RAB35: variants seen among roughly 807,000 people sequenced by gnomAD.
The protein encoded by RAB35 is ras-related protein Rab-35.
Under a neutral mutation model 28.9 loss-of-function variants are expected in RAB35, and 4 were observed. The ratio of observed to expected loss-of-function variants is 0.14; its 90% CI spans 0.07 to 0.32. The LOEUF (loss-of-function observed/expected upper bound fraction) is 0.32, where lower values mean the gene tolerates loss of function less well. Ranked by LOEUF, RAB35 falls within the 10% of genes least tolerant of loss-of-function variation. RAB35 has a pLI of 1.00. For missense variants in RAB35, 128 were observed against 274.0 expected (o/e 0.47, Z 3.76); for synonymous variants, 99 against 105.1 (o/e 0.94, Z 0.35).
intron 1 of RAB35, among the ~76,000 whole-genome samples, chr12:120,110,775 C>T (rs1336456541): frequency 6.6e-6 from 1 of 152,246 alleles, no homozygotes; most frequent in Non-Finnish European, 1.5e-5. Flanking sequence ...CTGGGTCCTA[C>T]TTTCCTAAAG....
intron 3 of RAB35, among the ~76,000 whole-genome samples, chr12:120,102,197 T>C (rs1431348426): frequency 6.6e-6 from 1 of 152,112 alleles, no homozygotes; most frequent in African/African-American, 2.4e-5. Context: ...TTCCTGTCCA[T>C]AAAATGGAGA....
At position 120,096,546 on chromosome 12, in the gene RAB35, C is replaced by T. The variant is rs1432330842; in HGVS notation, c.*699G>A. On this transcript the variant is annotated 3_prime_UTR_variant, in exon 6 of 6. Coordinates refer to ENST00000229340, the MANE Select transcript of RAB35 (RefSeq NM_006861.7). ...CTGCCCTGGGTTTGGAGCTCAGAGG[C>T]ATCTAGAAGGCAGGACAAGAAATCT... 3.9e-6 allele frequency: 5 copies of T among 1,289,786 alleles called. No individual in the cohort carries two copies. The highest frequency in any genetic ancestry group is 4.0e-6 in the Non-Finnish European group (4 of 988,886). The allele number at this position is 1,289,786 out of a possible 1,614,324, so 79.9% of individuals were successfully genotyped here. A position where few individuals can be genotyped will look rare whatever the true frequency, so the allele number is the denominator to read the frequency against.
chr12:120,116,134 C>T (rs2139066401), intron 1 of RAB35, among the ~76,000 whole-genome samples: 1 of 152,342 alleles, frequency 6.6e-6, no homozygotes, highest in Middle Eastern at 3.4e-3. Flanking sequence ...TGAACATTTA[C>T]TTCGAGCTTA....
At position 120,100,883 on chromosome 12, in the gene RAB35, G is replaced by A. The variant is rs1278664939; in HGVS notation, c.228-1729C>T. ...ACGCCTTCCAGAGCGAGGGCGCGCC[G>A]GAGCCACAGGAACAGGCGACTGTCC... On this transcript the variant is annotated intron_variant, in intron 3 of 5. Coordinates refer to ENST00000229340, the MANE Select transcript of RAB35 (RefSeq NM_006861.7). Among the ~76,000 whole-genome samples, 20 of 152,310 alleles carry A rather than the reference G, an allele frequency of 1.3e-4. No homozygotes were observed. In the East Asian group the frequency reaches 3.3e-3, roughly 25 times the overall value.
Position 120,104,370 on chromosome 12 carries a change from C to T in RAB35, c.104-421G>A, listed in dbSNP as rs552919578. 1.1e-4 allele frequency among the ~76,000 whole-genome samples: 16 copies of T among 152,242 alleles called. No homozygotes were observed. The South Asian group carries it at 2.3e-3, about 22-fold the overall frequency. The stretch of plus-strand genomic sequence containing the variant: ...AGGGCCCTCAAAATTCACTTCCAAA[C>T]ACACAAATAGGTCATGAGCTGCAGT... On this transcript the variant is annotated intron_variant, in intron 2 of 5. Transcript: ENST00000229340.
chr12:120,097,187 G>C lies in RAB35; in HGVS notation c.*58C>G. The C allele has an allele frequency of 1.2e-6, 2 of 1,613,832 alleles. No homozygotes were observed. The highest frequency in any genetic ancestry group is 8.5e-7 in the Non-Finnish European group (1 of 1,179,856). ...TGAGACTGTCCCCCGAGGAACCTCC[G>C]TGGGCCTCGGGCTGGGGGAGGGACC... On this transcript the variant is annotated 3_prime_UTR_variant, in exon 6 of 6. Transcript: ENST00000229340.
Position 120,097,343 on chromosome 12 carries a change from G to C in RAB35, c.508C>G (p.Arg170Gly). 1 of 1,613,282 alleles carries C rather than the reference G, an allele frequency of 6.2e-7. No homozygotes were observed. Among genetic ancestry groups the C allele is most frequent in the South Asian group, 1.1e-5 (1 of 91,022 alleles). Residue 170 changes from arginine (R) to glycine (G), a missense_variant, in exon 6 of 6, where the codon CGA (arginine) becomes GGA (glycine). Coordinates refer to ENST00000229340, the MANE Select transcript of RAB35 (RefSeq NM_006861.7). ...MFNCITELVL[R>G]AKKDNLAKQQ... ...TTTGCCAGGTTGTCTTTCTTTGCTC[G>C]GAGGACCAGCTCCGTGATGCAGTTG...
Position 120,103,643 on chromosome 12 carries a change from C to G in RAB35, c.227+183G>C, listed in dbSNP as rs1403701184. 6.6e-6 allele frequency among the ~76,000 whole-genome samples: 1 copy of G among 152,212 alleles called. No homozygotes were observed. The highest frequency in any genetic ancestry group is 6.5e-5 in the Admixed American group (1 of 15,288). ...TCAGCGACTCCCCCACAGCACCCCC[C>G]TCACATCTTCAGGACCAGGAAGGGT... On this transcript the variant is annotated intron_variant, in intron 3 of 5. Coordinates refer to ENST00000229340, the MANE Select transcript of RAB35 (RefSeq NM_006861.7). The surrounding 1 kb of genome is among the most constrained non-coding windows in gnomAD (Gnocchi z 6.1).
In RAB35 at chr12:120,103,794, C is replaced by A. The variant is rs375687780; in HGVS notation, c.227+32G>T. The A allele has an allele frequency of 2.5e-6, 4 of 1,611,442 alleles. No individual in the cohort carries two copies. The highest frequency in any genetic ancestry group is 3.4e-6 in the Non-Finnish European group (4 of 1,178,734). ...CAACTGTGTCCACAGGTCAGTGGCG[C>A]GGGTTGGGTGGGAGTGGGCGTGTGG... On this transcript the variant is annotated intron_variant, in intron 3 of 5. Coordinates refer to ENST00000229340, the MANE Select transcript of RAB35 (RefSeq NM_006861.7). This position sits in a 1 kb window ranked among gnomAD's most constrained non-coding sequence, Gnocchi z 6.1.
At chr12:120,114,963 G>A (rs920184197) in intron 1 of RAB35, among the ~76,000 whole-genome samples, 1 of 152,178 alleles carries the variant, frequency 6.6e-6, no homozygotes, top group African/African-American at 2.4e-5. Flanking sequence ...ACCCAGGCCA[G>A]GGCTGCAAGG....
chr12:120,112,041 C>A (rs1876139618), intron 1 of RAB35, among the ~76,000 whole-genome samples: 4 of 151,114 alleles, frequency 2.6e-5, no homozygotes. Flanking sequence ...AGTACGGTGG[C>A]GCGATCTTGG....
chr12:120,103,769 C>A lies in RAB35; in HGVS notation c.227+57G>T. ...CCACCATGACCAGGCACCGGTCGCT[C>A]AACTGTGTCCACAGGTCAGTGGCGC... On this transcript the variant is annotated intron_variant, in intron 3 of 5. Transcript: ENST00000229340. This position sits in a 1 kb window ranked among gnomAD's most constrained non-coding sequence, Gnocchi z 6.1. The A allele has an allele frequency of 1.3e-6, 2 of 1,598,936 alleles. No individual in the cohort carries two copies. Among genetic ancestry groups the A allele is most frequent in the South Asian group, 1.1e-5 (1 of 89,950 alleles).
At chr12:120,101,414 C>T (rs540827259) in intron 3 of RAB35, among the ~76,000 whole-genome samples, 2 of 152,308 alleles carry the variant, frequency 1.3e-5, no homozygotes, top group Admixed American at 6.5e-5. Context: ...CCACCCGCAC[C>T]TCTCAGGGCC....
At chr12:120,114,079 CA>C (rs1353510792) in intron 1 of RAB35, among the ~76,000 whole-genome samples, 39 of 152,284 alleles carry the variant, frequency 2.6e-4, no homozygotes, top group African/African-American at 8.9e-4. Flanking sequence ...GCAAGTAAGT[CA>C]CCTCCTCTGA....
rs1432428683 is a variant in RAB35, at chr12:120,096,798, C to A, written c.*447G>T. 7.7e-7 allele frequency: 1 copy of A among 1,291,376 alleles called. No homozygotes were observed. The highest frequency in any genetic ancestry group is 5.5e-5 in the East Asian group (1 of 18,134). 80.0% of individuals were successfully genotyped at this position (1,291,376 alleles called of 1,614,324 possible). On this transcript the variant is annotated 3_prime_UTR_variant, in exon 6 of 6. Transcript: ENST00000229340. ...CCACTCCACTGGCACGGGCTGGCCG[C>A]AGACGCAGCTAGAACGTGCCGCTGT... is the stretch of plus-strand genomic sequence containing the variant.
rs964672866 is a variant in RAB35, at chr12:120,116,530, G to C, written c.52+69C>G. The C allele has an allele frequency of 2.0e-5, 19 of 955,926 alleles. No individual in the cohort carries two copies. The African/African-American group carries it at 3.2e-4, about 16-fold the overall frequency. The allele number at this position is 955,926 out of a possible 1,614,324, so 59.2% of individuals were successfully genotyped here. A position where few individuals can be genotyped will look rare whatever the true frequency, so the allele number is the denominator to read the frequency against. Reference sequence around the variant, plus strand: ...CGGGCCGGCACCTCCCCGCCCGCCTGCCGCCCCGAGGCCCCCGCGGGCCGC... The same window carrying C: ...CGGGCCGGCACCTCCCCGCCCGCCTCCCGCCCCGAGGCCCCCGCGGGCCGC... On this transcript the variant is annotated intron_variant, in intron 1 of 5. Coordinates refer to ENST00000229340, the MANE Select transcript of RAB35 (RefSeq NM_006861.7).
intron 1 of RAB35, among the ~76,000 whole-genome samples, chr12:120,110,464 A>G (rs3852589): frequency 0.024 from 3,575 of 151,954 alleles, 152 homozygotes; most frequent in African/African-American, 0.082. Context: ...TATATTGCCC[A>G]GGCTGGTCTC....
At chr12:120,112,391 A>T (rs1876154474) in intron 1 of RAB35, among the ~76,000 whole-genome samples, 1 of 148,942 alleles carries the variant, frequency 6.7e-6, no homozygotes, top group Non-Finnish European at 1.5e-5. Context: ...CTTCAGTTCA[A>T]CCTCTTGAAG....
chr12:120,095,722 T>A lies in RAB35; in HGVS notation c.*1523A>T, dbSNP rs1203110918. On this transcript the variant is annotated 3_prime_UTR_variant, in exon 6 of 6. Coordinates refer to ENST00000229340, the MANE Select transcript of RAB35 (RefSeq NM_006861.7). ...CCCAGAATCACCAGCTTTTGGCAGT[T>A]TGGGCAAGTGGAGAGTCGGTGAGAA... 1 of 152,188 alleles carries A rather than the reference T, an allele frequency of 6.6e-6. No homozygotes were observed. The highest frequency in any genetic ancestry group is 1.9e-4 in the East Asian group (1 of 5,154). The allele number at this position is 152,188 out of a possible 1,614,324, so 9.4% of individuals were successfully genotyped here. A position where few individuals can be genotyped will look rare whatever the true frequency, so the allele number is the denominator to read the frequency against.
Sources: gnomAD v4.1 joint callset for allele counts (sites outside exome capture counted in the v4.1 genomes callset) on GRCh38, gnomAD v4.1.1 for gene constraint, Gnocchi (gnomAD v3.1) non-coding constraint, MANE v1.5 for transcripts, NCBI Gene and HGNC (gene_info 2026-07-23, HGNC 2026-07-21) for gene names.